The following EXOC4 variants were observed in gnomAD, a reference collection of about 807,000 sequenced individuals.
The protein encoded by EXOC4 is exocyst complex component 4, also known as SEC8-like 1.
EXOC4 carries 71 observed loss-of-function variants against 107.2 expected under a neutral mutation model. The ratio of observed to expected loss-of-function variants is 0.66; its 90% CI spans 0.55 to 0.81. The LOEUF is 0.81. Among genes scored for constraint, EXOC4 ranks in the 30% least tolerant of loss-of-function variants. EXOC4 has a pLI of 0.00. For missense variants in EXOC4, 1,108 were observed against 1,189.6 expected (o/e 0.93, Z 1.01); for synonymous variants, 456 against 441.2 (o/e 1.03, Z -0.42).
At chr7:133,995,965 G>A (rs985121571) in intron 14 of EXOC4, among the ~76,000 whole-genome samples, 2 of 152,096 alleles carry the variant, frequency 1.3e-5, no homozygotes, top group Non-Finnish European at 2.9e-5. Context: ...TGTTCCCTAA[G>A]TCCAGAGAGC....
At chr7:133,900,893 A>C (rs1424473833) in intron 12 of EXOC4, among the ~76,000 whole-genome samples, 1 of 152,056 alleles carries the variant, frequency 6.6e-6, no homozygotes, top group African/African-American at 2.4e-5. Flanking sequence ...TTATTTAGAG[A>C]GATTCTCACT....
chr7:134,073,230 A>AAC, the EXOC4 span, among the ~76,000 whole-genome samples: 13 of 18,412 alleles, frequency 7.1e-4, 1 homozygote, highest in Admixed American at 2.0e-3. Context: ...AAAAAAAAAA[A>AAC]AACAACAAAG....
intron 10 of EXOC4, among the ~76,000 whole-genome samples, chr7:133,719,904 AGGATGGATGGATGGAT>A (rs111740110): frequency 6.6e-6 from 1 of 151,848 alleles, no homozygotes; most frequent in Non-Finnish European, 1.5e-5. Context: ...TTCTCAGGAA[AGGATGGATGGATGGAT>A]GGATGGATGG....
intron 9 of EXOC4, among the ~76,000 whole-genome samples, chr7:133,586,509 G>A (rs181615404): frequency 4.3e-4 from 65 of 152,200 alleles, no homozygotes; most frequent in African/African-American, 1.5e-3. Flanking sequence ...TCTTTATCCA[G>A]TCTACCATTG....
chr7:133,281,645 G>T (rs1164370671), intron 2 of EXOC4, among the ~76,000 whole-genome samples: 2 of 151,350 alleles, frequency 1.3e-5, no homozygotes, highest in African/African-American at 4.8e-5. Flanking sequence ...TGCATGCTCA[G>T]AGGCATTTCC....
chr7:133,783,147 A>G (rs1796502143), intron 10 of EXOC4, among the ~76,000 whole-genome samples: 1 of 152,118 alleles, frequency 6.6e-6, no homozygotes, highest in African/African-American at 2.4e-5. Flanking sequence ...TTTTTAAGGA[A>G]CCATTTACAA....
At chr7:133,653,624 A>G (rs1038487217) in intron 10 of EXOC4, among the ~76,000 whole-genome samples, 7 of 152,194 alleles carry the variant, frequency 4.6e-5, no homozygotes, top group Non-Finnish European at 1.0e-4. Flanking sequence ...TCCAAAGCTC[A>G]GCAAATACCT....
intron 14 of EXOC4, among the ~76,000 whole-genome samples, chr7:133,949,322 A>C (rs1800631034): frequency 6.6e-6 from 1 of 152,186 alleles, no homozygotes; most frequent in Non-Finnish European, 1.5e-5. Context: ...AATAGCAGTT[A>C]ATTCTGTGTA....
chr7:133,301,938 A>G, intron 3 of EXOC4, among the ~76,000 whole-genome samples: 1 of 152,222 alleles, frequency 6.6e-6, no homozygotes, highest in East Asian at 1.9e-4. Flanking sequence ...TTGGCTAAAG[A>G]CAAGCATTAA....
At chr7:133,409,912 G>A (rs1797318404) in intron 7 of EXOC4, among the ~76,000 whole-genome samples, 1 of 151,952 alleles carries the variant, frequency 6.6e-6, no homozygotes, top group Non-Finnish European at 1.5e-5. Context: ...AAATAATTTT[G>A]CATTTTTTTG....
intron 5 of EXOC4, among the ~76,000 whole-genome samples, chr7:133,320,353 G>A (rs944025654): frequency 4.6e-5 from 7 of 152,136 alleles, no homozygotes; most frequent in African/African-American, 1.4e-4. Context: ...TTGCCTTTCT[G>A]GCTCCTGGAG....
At chr7:133,781,679 G>C (rs1220496538) in intron 10 of EXOC4, among the ~76,000 whole-genome samples, 2 of 152,170 alleles carry the variant, frequency 1.3e-5, no homozygotes, top group African/African-American at 4.8e-5. Flanking sequence ...TGTCCCCAGA[G>C]AGTCTGCCTT....
chr7:133,531,339 G>A (rs1800177942), intron 9 of EXOC4, among the ~76,000 whole-genome samples: 1 of 152,140 alleles, frequency 6.6e-6, no homozygotes, highest in South Asian at 2.1e-4. Flanking sequence ...CCATGTTGGA[G>A]AGTGTCTGTG....
intron 7 of EXOC4, among the ~76,000 whole-genome samples, chr7:133,395,043 G>A (rs531639705): frequency 6.6e-6 from 1 of 150,734 alleles, no homozygotes; most frequent in Non-Finnish European, 1.5e-5. Context: ...ATGGTAATTA[G>A]TATAATTTTG....
chr7:133,560,844 G>T (rs546172123), intron 9 of EXOC4, among the ~76,000 whole-genome samples: 1 of 152,098 alleles, frequency 6.6e-6, no homozygotes, highest in Non-Finnish European at 1.5e-5. Context: ...CTTCCACAGA[G>T]ATTAAATGTT....
At chr7:133,798,246 T>C (rs1563002276) in intron 10 of EXOC4, among the ~76,000 whole-genome samples, 1 of 152,134 alleles carries the variant, frequency 6.6e-6, no homozygotes, top group Non-Finnish European at 1.5e-5. Context: ...AAAGGTACTG[T>C]AATCTATAAA....
intron 10 of EXOC4, among the ~76,000 whole-genome samples, chr7:133,761,524 C>T (rs768733462): frequency 6.6e-6 from 1 of 152,106 alleles, no homozygotes; most frequent in Non-Finnish European, 1.5e-5. Flanking sequence ...CTCTTCATAT[C>T]TGACTCTTTA....
intron 10 of EXOC4, among the ~76,000 whole-genome samples, chr7:133,631,802 C>G (rs1384436220): frequency 6.6e-6 from 1 of 152,000 alleles, no homozygotes; most frequent in East Asian, 1.9e-4. Flanking sequence ...TTTTCACTGT[C>G]TTCTTCAATT....
chr7:133,439,527 C>A (rs1224008515), intron 7 of EXOC4, among the ~76,000 whole-genome samples: 1 of 152,028 alleles, frequency 6.6e-6, no homozygotes, highest in African/African-American at 2.4e-5. Context: ...CAGACCCCTC[C>A]CAACTTCAGA....
Sources: allele counts gnomAD v4.1 joint callset (sites outside exome capture counted in the v4.1 genomes callset), GRCh38; gene constraint gnomAD v4.1.1; transcripts MANE v1.5; gene names NCBI Gene and HGNC (gene_info 2026-07-23, HGNC 2026-07-21).